Variants in PRKCH observed in about 807,000 individuals in gnomAD.
PRKCH encodes protein kinase C eta.
In PRKCH, 28 loss-of-function variants were observed where a neutral mutation model predicts 82.5. The ratio of observed to expected loss-of-function variants is 0.34; its 90% CI spans 0.25 to 0.47. PRKCH has a LOEUF of 0.47. PRKCH is among the 20% of genes least tolerant of loss of function. PRKCH has a pLI of 1.00. For missense variants in PRKCH, 705 were observed against 881.8 expected, an observed-to-expected ratio of 0.80 and a Z score of 2.54; for synonymous variants, 322 against 327.4, an observed-to-expected ratio of 0.98 and a Z score of 0.18.
At chr14:61,315,299 C>A (rs2045553778) in intron 1 of PRKCH, among the ~76,000 whole-genome samples, 1 of 152,176 alleles carries the variant, frequency 6.6e-6, no homozygotes, top group Admixed American at 6.5e-5. Flanking sequence ...TAGAATCATG[C>A]TGGGATGGAG....
chr14:61,298,171 CCTT>C (rs1044889007), intron 1 of PRKCH: 2 of 152,434 alleles, frequency 1.3e-5, no homozygotes, highest in Admixed American at 1.3e-4. Flanking sequence ...TGTGTCCTCT[CCTT>C]CTACAACTCC....
intron 1 of PRKCH, among the ~76,000 whole-genome samples, chr14:61,262,427 G>A (rs781452427): frequency 2.6e-5 from 4 of 152,128 alleles, no homozygotes; most frequent in South Asian, 4.1e-4. Flanking sequence ...AAAGAAGCTG[G>A]ATATAAAAGA....
chr14:61,204,005 A>AG (rs2044503895), intron 1 of PRKCH, among the ~76,000 whole-genome samples: 1 of 152,130 alleles, frequency 6.6e-6, no homozygotes, highest in Non-Finnish European at 1.5e-5. Context: ...TATGATGCAT[A>AG]GAAAAGTTTA....
chr14:61,263,101 C>T (rs1566798767), intron 1 of PRKCH, among the ~76,000 whole-genome samples: 1 of 152,138 alleles, frequency 6.6e-6, no homozygotes, highest in Non-Finnish European at 1.5e-5. Flanking sequence ...GTTCACGAGC[C>T]TGCCGCTCCA....
chr14:61,367,779 A>G (rs1179261507), intron 1 of PRKCH, among the ~76,000 whole-genome samples: 1 of 150,088 alleles, frequency 6.7e-6, no homozygotes, highest in African/African-American at 2.5e-5. Flanking sequence ...CAGTGGCGCA[A>G]TCTCGGCTCA....
chr14:61,467,612 C>A (rs1268166977), intron 9 of PRKCH, among the ~76,000 whole-genome samples: 1 of 152,214 alleles, frequency 6.6e-6, no homozygotes, highest in Non-Finnish European at 1.5e-5. Flanking sequence ...GGAAGTATAG[C>A]CGAAAGGCTG....
At chr14:61,248,744 G>A (rs1445955614) in intron 1 of PRKCH, among the ~76,000 whole-genome samples, 1 of 150,128 alleles carries the variant, frequency 6.7e-6, no homozygotes, top group Non-Finnish European at 1.5e-5. Context: ...CTAATTCAAT[G>A]GTTTTATGTA....
chr14:61,474,637 A>G (rs1428254092), intron 9 of PRKCH, among the ~76,000 whole-genome samples: 1 of 152,210 alleles, frequency 6.6e-6, no homozygotes, highest in Non-Finnish European at 1.5e-5. Flanking sequence ...GCAAACCAAC[A>G]TGGCACATAT....
chr14:61,537,633 C>G (rs2043128986), intron 12 of PRKCH: 5 of 152,172 alleles, frequency 3.3e-5, no homozygotes, highest in Non-Finnish European at 7.4e-5. Flanking sequence ...AGCAAGAAAT[C>G]ACGTGACTCA....
At chr14:61,354,404 T>TTGTG (rs3028729) in intron 1 of PRKCH, among the ~76,000 whole-genome samples, 9,895 of 148,354 alleles carry the variant, frequency 0.067, 452 homozygotes, top group East Asian at 0.22. Flanking sequence ...CTGTTTCTAT[T>TTGTG]TGTGTGTGTG....
chr14:61,435,429 AAGAG>A (rs1883629564), intron 2 of PRKCH, among the ~76,000 whole-genome samples: 1 of 152,192 alleles, frequency 6.6e-6, no homozygotes, highest in African/African-American at 2.4e-5. Flanking sequence ...AGCTAGGAGA[AAGAG>A]AGGGTGGAGG....
chr14:61,454,037 G>A (rs1267328901), intron 7 of PRKCH, among the ~76,000 whole-genome samples: 1 of 152,028 alleles, frequency 6.6e-6, no homozygotes, highest in Non-Finnish European at 1.5e-5. Flanking sequence ...TAATGAGCAT[G>A]AGCAACAAGT....
rs919808922 is a variant in PRKCH at position 61,485,531 on chromosome 14, G to A, written c.1308G>A (p.Val436=). 63 of 1,614,048 alleles carry A rather than the reference G, an allele frequency of 3.9e-5. No individual in the cohort carries two copies. Among genetic ancestry groups the A allele is most frequent in the Non-Finnish European group, 5.2e-5 (61 of 1,180,028 alleles). ...PDRLFFVMEF[V]NGGDLMFHIQ... Reference sequence around the variant, plus strand: ...GTCTGTTTTTTGTGATGGAGTTTGTGAATGGGGGTGACTTGATGTTCCACA... The same window carrying A: ...GTCTGTTTTTTGTGATGGAGTTTGTAAATGGGGGTGACTTGATGTTCCACA... Residue 436 remains valine, a synonymous_variant, in exon 10 of 14, where the codon GTG becomes GTA. Coordinates refer to ENST00000332981, the MANE Select transcript of PRKCH (RefSeq NM_006255.5).
At chr14:61,257,044 T>C (rs377666908) in intron 1 of PRKCH, among the ~76,000 whole-genome samples, 1 of 152,228 alleles carries the variant, frequency 6.6e-6, no homozygotes, top group East Asian at 1.9e-4. Context: ...ACTACTAATA[T>C]GCTTTCCTTT....
rs769444314 is a variant in PRKCH at position 61,436,358 on chromosome 14, CAT to C, written c.428-6752_428-6751del. ...CAGAGGGAACCAAAGCCCTGAGAAA[CAT>C]GTGTAGCAGCTGTTGATTTGGGTCT... is the stretch of plus-strand genomic sequence containing the variant. On this transcript the variant is annotated intron_variant, in intron 2 of 13. Transcript: ENST00000332981. 4.6e-5 allele frequency among the ~76,000 whole-genome samples: 7 copies of C among 152,106 alleles called. No individual in the cohort carries two copies. In the South Asian group the frequency reaches 6.2e-4, roughly 13 times the overall value.
chr14:61,299,195 G>A (rs1331381314), intron 1 of PRKCH, among the ~76,000 whole-genome samples: 1 of 152,156 alleles, frequency 6.6e-6, no homozygotes, highest in Non-Finnish European at 1.5e-5. Flanking sequence ...ATGGGTACAG[G>A]GAGGGAGAAT....
At position 61,335,661 on chromosome 14, in the gene PRKCH, A is replaced by G. The variant is rs534154661; in HGVS notation, c.363+13197A>G. 4.6e-5 allele frequency among the ~76,000 whole-genome samples: 7 copies of G among 152,324 alleles called. No homozygotes were observed. In the South Asian group the frequency reaches 1.5e-3, roughly 32 times the overall value. ...AAGCTCATTTACTTTTTGGATTATA[A>G]TTTTGTGAACTAACTCTGGATAATT... On this transcript the variant is annotated intron_variant, in intron 1 of 13. Coordinates refer to ENST00000332981, the MANE Select transcript of PRKCH (RefSeq NM_006255.5).
intron 1 of PRKCH, among the ~76,000 whole-genome samples, chr14:61,342,865 A>G (rs754357162): frequency 2.6e-5 from 4 of 152,214 alleles, no homozygotes; most frequent in Admixed American, 6.5e-5. Context: ...GATTGCCCTT[A>G]GTGTTTCTCT....
intron 1 of PRKCH, among the ~76,000 whole-genome samples, chr14:61,384,697 A>G (rs1247874554): frequency 6.6e-6 from 1 of 152,098 alleles, no homozygotes; most frequent in African/African-American, 2.4e-5. Flanking sequence ...CTCAAGGGTT[A>G]GATGGCTCTG....
Sources: gnomAD v4.1 joint callset for allele counts (sites outside exome capture counted in the v4.1 genomes callset) on GRCh38, gnomAD v4.1.1 for gene constraint, MANE v1.5 for transcripts, NCBI Gene and HGNC (gene_info 2026-07-23, HGNC 2026-07-21) for gene names.